Variants in DNAJB14 observed in about 807,000 individuals in gnomAD.
The protein encoded by DNAJB14 is dnaJ homolog subfamily B member 14.
Under a neutral mutation model 48.4 loss-of-function variants are expected in DNAJB14, and 22 were observed. The ratio of observed to expected loss-of-function variants is 0.45; its 90% CI spans 0.32 to 0.65. The LOEUF (loss-of-function observed/expected upper bound fraction) is 0.65. DNAJB14 is among the 30% of genes least tolerant of loss of function. The pLI is 0.03. For missense variants in DNAJB14, 319 were observed against 458.8 expected, an observed-to-expected ratio of 0.70 and a Z score of 2.78; for synonymous variants, 142 against 158.7, an observed-to-expected ratio of 0.89 and a Z score of 0.79.
At chr4:99,923,445 T>C (rs1178102136) in intron 2 of DNAJB14, among the ~76,000 whole-genome samples, 1 of 152,064 alleles carries the variant, frequency 6.6e-6, no homozygotes, top group East Asian at 1.9e-4. Context: ...TACAGAGAAG[T>C]AAACAAAGCC....
chr4:99,908,915 A>G lies in DNAJB14; in HGVS notation c.452-19T>C, dbSNP rs768137194. ...CCAATCTCTGAAAAAGTAATGAGTA[A>G]AAGTTGGTAAGCAAAGTTTTTATAT... On this transcript the variant is annotated intron_variant, in intron 3 of 7. Transcript: ENST00000442697. 5 of 1,502,082 alleles carry G rather than the reference A, an allele frequency of 3.3e-6. No homozygotes were observed. Among genetic ancestry groups the G allele is most frequent in the Non-Finnish European group, 2.7e-6 (3 of 1,127,788 alleles). The allele number at this position is 1,502,082 out of a possible 1,614,324, so 93.0% of individuals were successfully genotyped here. A position where few individuals can be genotyped will look rare whatever the true frequency, so the allele number is the denominator to read the frequency against.
intron 1 of DNAJB14, among the ~76,000 whole-genome samples, chr4:99,938,343 CTTTT>C (rs200523338): frequency 5.8e-5 from 7 of 120,070 alleles, no homozygotes; most frequent in Non-Finnish European, 8.8e-5. Context: ...TGGACATGTG[CTTTT>C]TTTTTTTTTT....
intron 3 of DNAJB14, among the ~76,000 whole-genome samples, chr4:99,912,572 C>A (rs572400696): frequency 5.2e-4 from 79 of 152,240 alleles, no homozygotes; most frequent in African/African-American, 1.9e-3. Flanking sequence ...CTCCACCTCC[C>A]AGGTTCAAGT....
At chr4:99,940,215 AAAAC>A (rs1726839731) in intron 1 of DNAJB14, among the ~76,000 whole-genome samples, 1 of 151,904 alleles carries the variant, frequency 6.6e-6, no homozygotes, top group Non-Finnish European at 1.5e-5. Context: ...CATGATTTGA[AAAAC>A]AAATAGATTT....
chr4:99,924,574 C>T (rs1478495774), intron 2 of DNAJB14: 4 of 597,284 alleles, frequency 6.7e-6, no homozygotes, highest in Non-Finnish European at 7.8e-6. Flanking sequence ...CATGACATTT[C>T]CTTTATTTAG....
intron 1 of DNAJB14, among the ~76,000 whole-genome samples, chr4:99,940,675 T>A (rs984703928): frequency 4.1e-5 from 6 of 147,210 alleles, no homozygotes; most frequent in Non-Finnish European, 1.5e-5. Context: ...CCCCAAAAAA[T>A]CACTATAGCC....
chr4:99,924,079 T>C (rs1353490488), intron 2 of DNAJB14, among the ~76,000 whole-genome samples: 1 of 152,160 alleles, frequency 6.6e-6, no homozygotes, highest in East Asian at 1.9e-4. Flanking sequence ...GAACATTACG[T>C]ACATGTGGAT....
intron 3 of DNAJB14, among the ~76,000 whole-genome samples, chr4:99,910,962 G>A (rs1725639113): frequency 6.6e-6 from 1 of 151,830 alleles, no homozygotes; most frequent in African/African-American, 2.4e-5. Flanking sequence ...CACTGATATA[G>A]TCAGGATATA....
At chr4:99,918,301 C>A (rs191217805) in intron 3 of DNAJB14, among the ~76,000 whole-genome samples, 13 of 152,174 alleles carry the variant, frequency 8.5e-5, no homozygotes, top group Admixed American at 2.0e-4. Context: ...TGTAAAATTT[C>A]TATTTTGTTC....
chr4:99,905,231 C>A (rs531887729), intron 6 of DNAJB14, among the ~76,000 whole-genome samples: 8 of 151,862 alleles, frequency 5.3e-5, no homozygotes, highest in African/African-American at 1.9e-4. Context: ...AGAGTAAAGT[C>A]ATTTTCCCCT....
intron 6 of DNAJB14, among the ~76,000 whole-genome samples, chr4:99,904,422 A>G (rs1413353279): frequency 6.6e-6 from 1 of 152,160 alleles, no homozygotes; most frequent in African/African-American, 2.4e-5. Context: ...TGATAGTTCA[A>G]TGTATACAAA....
At chr4:99,932,370 C>T (rs1271113578) in intron 1 of DNAJB14, among the ~76,000 whole-genome samples, 2 of 151,966 alleles carry the variant, frequency 1.3e-5, no homozygotes, top group Non-Finnish European at 2.9e-5. Context: ...GACAATTTCT[C>T]CAAAACAAAC....
At chr4:99,938,241 T>C (rs1241427801) in intron 1 of DNAJB14, among the ~76,000 whole-genome samples, 4 of 142,242 alleles carry the variant, frequency 2.8e-5, no homozygotes, top group Non-Finnish European at 6.1e-5. Flanking sequence ...AAAAAAAAAA[T>C]TGGCATATAC....
intron 3 of DNAJB14, among the ~76,000 whole-genome samples, chr4:99,921,790 A>T (rs1297373163): frequency 6.6e-6 from 1 of 152,180 alleles, no homozygotes; most frequent in Non-Finnish European, 1.5e-5. Context: ...AATTAAACAA[A>T]TATTTATTGT....
chr4:99,938,933 C>T (rs111250867), intron 1 of DNAJB14, among the ~76,000 whole-genome samples: 1,579 of 151,996 alleles, frequency 0.01, 30 homozygotes, highest in African/African-American at 0.035. Flanking sequence ...CCTATATAAA[C>T]GATACCACTG....
In DNAJB14 at chr4:99,946,556, C is replaced by T. The variant is rs761480187; in HGVS notation, c.16G>A (p.Asp6Asn). Residue 6 changes from aspartate (D) to asparagine (N), a missense_variant, in exon 1 of 8, where the codon GAT (aspartate) becomes AAT (asparagine). Transcript: ENST00000442697. Reference protein sequence around the residue: MEGNRDEAEKCVEIAR... With the variant: MEGNRNEAEKCVEIAR... The stretch of plus-strand genomic sequence containing the variant: ...ATCTCGACACATTTCTCAGCCTCAT[C>T]CCTGTTCCCCTCCATAGCTTGCTCC... The T allele has an allele frequency of 3.7e-6, 6 of 1,613,666 alleles. No individual in the cohort carries two copies. Among genetic ancestry groups the T allele is most frequent in the Non-Finnish European group, 5.1e-6 (6 of 1,179,758 alleles).
chr4:99,924,642 A>G, intron 2 of DNAJB14: 1 of 1,318,770 alleles, frequency 7.6e-7, no homozygotes, highest in Non-Finnish European at 1.0e-6. Context: ...CATTTGACAT[A>G]TATCTGTAAA....
At chr4:99,924,917 A>C in intron 2 of DNAJB14, 1 of 764,938 alleles carries the variant, frequency 1.3e-6, no homozygotes, top group South Asian at 1.5e-5. Context: ...AAAGATGTGA[A>C]GCTACTACAG....
At chr4:99,927,896 T>C (rs1000926759) in intron 2 of DNAJB14, 2 of 152,268 alleles carry the variant, frequency 1.3e-5, no homozygotes, top group East Asian at 3.9e-4. Context: ...TTGCTGGTGA[T>C]CTGTACCCTC....
Sources: allele counts gnomAD v4.1 joint callset (sites outside exome capture counted in the v4.1 genomes callset), GRCh38; gene constraint gnomAD v4.1.1; transcripts MANE v1.5; gene names NCBI Gene and HGNC (gene_info 2026-07-23, HGNC 2026-07-21).